GALNTL6: variants seen among roughly 807,000 people sequenced by gnomAD.
GALNTL6 encodes the protein polypeptide N-acetylgalactosaminyltransferase like 6.
Under a neutral mutation model 73.7 loss-of-function variants are expected in GALNTL6, and 46 were observed. That is an observed-to-expected ratio of 0.62 (90% CI 0.49 to 0.80). The LOEUF (loss-of-function observed/expected upper bound fraction) is 0.80, where lower values mean the gene tolerates loss of function less well. GALNTL6 is among the 30% of genes least tolerant of loss of function. The pLI is 0.00. For missense variants in GALNTL6, 604 were observed against 755.0 expected, an observed-to-expected ratio of 0.80 and a Z score of 2.34; for synonymous variants, 259 against 263.7, an observed-to-expected ratio of 0.98 and a Z score of 0.17.
chr4:172,144,707 C>T lies in GALNTL6; in HGVS notation c.139-84949C>T, dbSNP rs903015001. 3.3e-5 allele frequency among the ~76,000 whole-genome samples: 5 copies of T among 152,174 alleles called. No individual in the cohort carries two copies. In the South Asian group the frequency reaches 8.3e-4, roughly 25 times the overall value. ...TAGTCTTTCCTCTGTACTGTTGTTT[C>T]CCATCTTAAAAGCAATTCATCATAA... On this transcript the variant is annotated intron_variant, in intron 2 of 12. Coordinates refer to ENST00000506823, the MANE Select transcript of GALNTL6 (RefSeq NM_001034845.3).
At chr4:172,203,508 A>G (rs1376017171) in intron 2 of GALNTL6, among the ~76,000 whole-genome samples, 1 of 152,172 alleles carries the variant, frequency 6.6e-6, no homozygotes. Flanking sequence ...TAAAAGATGT[A>G]CCCATTTCTA....
At chr4:171,836,076 A>G (rs1487120996) in intron 2 of GALNTL6, among the ~76,000 whole-genome samples, 3 of 152,062 alleles carry the variant, frequency 2.0e-5, no homozygotes, top group Non-Finnish European at 4.4e-5. Flanking sequence ...AGTGCTAGTA[A>G]TATTAAAAGT....
chr4:172,302,556 C>T (rs893524802), intron 3 of GALNTL6, among the ~76,000 whole-genome samples: 7 of 152,188 alleles, frequency 4.6e-5, no homozygotes, highest in African/African-American at 9.7e-5. Flanking sequence ...CACCTATCCT[C>T]ATGAGAGGCA....
rs1741873133 is a variant in GALNTL6, at chr4:172,034,430, G to A, written c.139-195226G>A. Among the ~76,000 whole-genome samples, 3 of 96,848 alleles carry A rather than the reference G, an allele frequency of 3.1e-5. No homozygotes were observed. In the South Asian group the frequency reaches 1.0e-3, roughly 32 times the overall value. 63.5% of individuals were successfully genotyped at this position (96,848 alleles called of 152,430 possible). ...TGTGTGTGTGTGTGTGTGTGTGTGTGTGTGTGTGTGTGTGTGTGTGTAGTT... is the reference window on the plus strand; with the variant it reads ...TGTGTGTGTGTGTGTGTGTGTGTGTATGTGTGTGTGTGTGTGTGTGTAGTT... On this transcript the variant is annotated intron_variant, in intron 2 of 12. Transcript: ENST00000506823.
At chr4:172,005,095 CTTAAAAAGCTTTTATTTTATTTTATT>C (rs1185815369) in intron 2 of GALNTL6, among the ~76,000 whole-genome samples, 1 of 142,710 alleles carries the variant, frequency 7.0e-6, no homozygotes, top group Non-Finnish European at 1.5e-5. Context: ...AATAGCTTCT[CTTAAAAAGCTTTTATTTTATTTTATT>C]TTATTTTATT....
intron 5 of GALNTL6, among the ~76,000 whole-genome samples, chr4:172,671,570 C>T (rs181468939): frequency 8.5e-5 from 13 of 152,224 alleles, no homozygotes; most frequent in Non-Finnish European, 1.5e-4. Flanking sequence ...GCTGAGACTA[C>T]GGGGTTTTCT....
intron 7 of GALNTL6, among the ~76,000 whole-genome samples, chr4:172,828,684 A>G (rs920185545): frequency 1.3e-5 from 2 of 152,236 alleles, no homozygotes; most frequent in Non-Finnish European, 2.9e-5. Flanking sequence ...GAAAGGGAAC[A>G]AGTACAATTC....
intron 5 of GALNTL6, among the ~76,000 whole-genome samples, chr4:172,593,752 G>A (rs1004946028): frequency 5.3e-5 from 8 of 151,290 alleles, no homozygotes; most frequent in Non-Finnish European, 7.4e-5. Context: ...TTTTTGAGAC[G>A]GAGTTTCGCT....
intron 2 of GALNTL6, among the ~76,000 whole-genome samples, chr4:172,013,066 T>C (rs959994963): frequency 6.6e-6 from 1 of 152,130 alleles, no homozygotes; most frequent in Non-Finnish European, 1.5e-5. Flanking sequence ...AATAATTGTA[T>C]ATATTTATGG....
At chr4:172,422,888 C>G (rs1425907276) in intron 5 of GALNTL6, among the ~76,000 whole-genome samples, 1 of 150,824 alleles carries the variant, frequency 6.6e-6, no homozygotes, top group Non-Finnish European at 1.5e-5. Context: ...CACTTATTTC[C>G]GGATTAAGTG....
chr4:172,263,495 G>A lies in GALNTL6; in HGVS notation c.247+33731G>A, dbSNP rs760541579. Among the ~76,000 whole-genome samples, 11 of 150,594 alleles carry A rather than the reference G, an allele frequency of 7.3e-5. 1 individual carries two copies. Among genetic ancestry groups the A allele is most frequent in the East Asian group, 3.9e-4 (2 of 5,132 alleles). On this transcript the variant is annotated intron_variant, in intron 3 of 12. Coordinates refer to ENST00000506823, the MANE Select transcript of GALNTL6 (RefSeq NM_001034845.3). ...TGAGTGATTTTTCTTTATATCTATC[G>A]CTTTTGAGAACTTTCATCCATATCC...
chr4:172,565,514 G>A (rs578042138), intron 5 of GALNTL6, among the ~76,000 whole-genome samples: 3 of 152,226 alleles, frequency 2.0e-5, no homozygotes, highest in South Asian at 4.1e-4. Flanking sequence ...CTAGTATTTT[G>A]TTGAGGATAT....
intron 5 of GALNTL6, among the ~76,000 whole-genome samples, chr4:172,423,855 A>G (rs1188227429): frequency 6.6e-6 from 1 of 152,090 alleles, no homozygotes; most frequent in Non-Finnish European, 1.5e-5. Context: ...TTTAATGGAA[A>G]CCACTGTCTC....
intron 11 of GALNTL6, 52 bp downstream of exon 11, chr4:173,009,346 C>A (rs370375183): frequency 8.6e-6 from 9 of 1,052,074 alleles, no homozygotes; most frequent in South Asian, 6.3e-5. Context: ...GGGGCTGATG[C>A]AGACACAGAG....
At chr4:172,124,048 A>G (rs1733225602) in intron 2 of GALNTL6, among the ~76,000 whole-genome samples, 3 of 152,184 alleles carry the variant, frequency 2.0e-5, no homozygotes, top group South Asian at 4.1e-4. Flanking sequence ...GATGACAGAG[A>G]CAGATGAGCC....
intron 2 of GALNTL6, among the ~76,000 whole-genome samples, chr4:172,139,098 T>C (rs1733735073): frequency 6.6e-6 from 1 of 152,120 alleles, no homozygotes. Flanking sequence ...GGAACTAGCT[T>C]GATGTGTTCC....
chr4:172,213,234 A>T (rs770133055), intron 2 of GALNTL6, among the ~76,000 whole-genome samples: 38 of 152,186 alleles, frequency 2.5e-4, no homozygotes, highest in Non-Finnish European at 7.3e-5. Flanking sequence ...ATTGTAAATA[A>T]AGCTGCTATA....
intron 2 of GALNTL6, among the ~76,000 whole-genome samples, chr4:172,162,505 A>G (rs1221662320): frequency 6.6e-6 from 1 of 152,016 alleles, no homozygotes; most frequent in Non-Finnish European, 1.5e-5. Flanking sequence ...ACTCATTTAT[A>G]AAATAAAGTA....
At chr4:173,020,826 A>G (rs1054722860) in intron 11 of GALNTL6, among the ~76,000 whole-genome samples, 1 of 152,170 alleles carries the variant, frequency 6.6e-6, no homozygotes, top group Non-Finnish European at 1.5e-5. Flanking sequence ...TAATCCCAGC[A>G]CTTTGGGAAG....
Sources: gnomAD v4.1 joint callset for allele counts (sites outside exome capture counted in the v4.1 genomes callset) on GRCh38, gnomAD v4.1.1 for gene constraint, MANE v1.5 for transcripts, NCBI Gene and HGNC (gene_info 2026-07-23, HGNC 2026-07-21) for gene names.